The following SUPT7L variants were observed in gnomAD, a reference collection of about 807,000 sequenced individuals.
The protein encoded by SUPT7L is STAGA complex 65 subunit gamma.
A neutral mutation model predicts 35.7 loss-of-function variants in SUPT7L; 15 were observed. The observed-to-expected ratio is 0.42, with a 90% CI of 0.28 to 0.65. The LOEUF is 0.65. SUPT7L is among the 30% of genes least tolerant of loss of function. The probability of loss-of-function intolerance (pLI) is 0.23; values close to 1 mark genes in which losing one functional copy is unlikely to be tolerated. For synonymous variants in SUPT7L, 168 were observed against 186.2 expected (o/e 0.90, Z 0.79); for missense variants, 434 against 522.2 (o/e 0.83, Z 1.65).
At chr2:27,656,700 A>G (rs1257799099) in intron 4 of SUPT7L, among the ~76,000 whole-genome samples, 1 of 151,736 alleles carries the variant, frequency 6.6e-6, no homozygotes, top group South Asian at 2.1e-4. Context: ...TGGCACAATC[A>G]TGGCTCACAG....
chr2:27,650,038 C>T (rs7582852), downstream of SUPT7L: 2 of 819,152 alleles, frequency 2.4e-6, no homozygotes, highest in African/African-American at 1.7e-5. Flanking sequence ...GTACTGTTTT[C>T]TGATGGATGG....
chr2:27,661,285 G>A lies in SUPT7L; in HGVS notation c.118C>T (p.His40Tyr). 6.2e-7 allele frequency: 1 copy of A among 1,613,790 alleles called. No homozygotes were observed. The highest frequency in any genetic ancestry group is 8.5e-7 in the Non-Finnish European group (1 of 1,179,818). The change falls in exon 3 of 6, where the codon CAC becomes TAC. Residue 40 changes from histidine (H) to tyrosine (Y), a missense_variant. Transcript: ENST00000337768. ...RLVEVHDPPL[H>Y]QPSANKPKPP... ...TTCGGCTTGTTGGCTGAGGGTTGGT[G>A]CAGGGGTGGGTCATGGACTTCCACC...
downstream of SUPT7L, chr2:27,650,273 C>A: frequency 2.4e-6 from 2 of 817,368 alleles, no homozygotes; most frequent in South Asian, 1.5e-5. Context: ...ACTGTTCTTA[C>A]CTCTGAACTG....
Position 27,657,704 on chromosome 2 carries a change from C to G in SUPT7L, c.420-35G>C. On this transcript the variant is annotated intron_variant, in intron 3 of 5. Coordinates refer to ENST00000337768, the MANE Select transcript of SUPT7L (RefSeq NM_014860.3). The surrounding 1 kb of genome is among the most constrained non-coding windows in gnomAD (Gnocchi z 5.2). ...GAGATACGGTGGTGTTATTAATGTT[C>G]TTGCAAAGGGGTGACCCCTCCTGTC... is the stretch of plus-strand genomic sequence containing the variant. The G allele has an allele frequency of 1.9e-6, 3 of 1,575,458 alleles. No homozygotes were observed. Among genetic ancestry groups the G allele is most frequent in the Non-Finnish European group, 1.7e-6 (2 of 1,158,286 alleles).
intron 3 of SUPT7L, among the ~76,000 whole-genome samples, chr2:27,658,437 A>T (rs1674899224): frequency 6.6e-6 from 1 of 152,184 alleles, no homozygotes; most frequent in Non-Finnish European, 1.5e-5. Flanking sequence ...CAGAAATCTT[A>T]ATTTTCCAAG....
In SUPT7L at chr2:27,663,401, G is replaced by A; in HGVS notation, c.-162C>T. 1 of 233,214 alleles carries A rather than the reference G, an allele frequency of 4.3e-6. No individual in the cohort carries two copies. Among genetic ancestry groups the A allele is most frequent in the East Asian group, 9.9e-5 (1 of 10,080 alleles). 14.4% of individuals were successfully genotyped at this position (233,214 alleles called of 1,614,324 possible). A position where few individuals can be genotyped will look rare whatever the true frequency, so the allele number is the denominator to read the frequency against. ...CCCTCCAGGGGTTTCCTCGGTCACG[G>A]TCCGCCGGCGCAGGCGCCAATCACA... On this transcript the variant is annotated 5_prime_UTR_variant, in exon 1 of 6. Coordinates refer to ENST00000337768, the MANE Select transcript of SUPT7L (RefSeq NM_014860.3).
intron 2 of SUPT7L, 139 bp downstream of exon 2, chr2:27,662,040 T>C: frequency 8.8e-7 from 1 of 1,135,608 alleles, no homozygotes; most frequent in Non-Finnish European, 1.3e-6. Context: ...TCTCTCTTTG[T>C]ATGTCATCTA....
chr2:27,645,272 AT>A, the SUPT7L span, among the ~76,000 whole-genome samples: 20 of 148,444 alleles, frequency 1.3e-4, no homozygotes, highest in East Asian at 2.6e-3. Context: ...TCCCCAGCCC[AT>A]TTTTTTTTTC....
intron 5 of SUPT7L, among the ~76,000 whole-genome samples, chr2:27,654,805 AT>A (rs958675488): frequency 3.3e-5 from 5 of 152,050 alleles, no homozygotes; most frequent in Non-Finnish European, 7.4e-5. Flanking sequence ...TGACCTCGTG[AT>A]TCGCCCGCCT....
At chr2:27,650,316 T>C (rs1674466961), downstream of SUPT7L, 4 of 574,366 alleles carry the variant, frequency 7.0e-6, no homozygotes, top group South Asian at 8.5e-5. Flanking sequence ...TTCCTCAGAG[T>C]AGCAAAGTTT....
the SUPT7L span, among the ~76,000 whole-genome samples, chr2:27,645,524 T>A: frequency 2.2e-4 from 34 of 152,268 alleles, no homozygotes; most frequent in African/African-American, 6.3e-4. Flanking sequence ...AGAAGTGACA[T>A]CTCTATGATG....
chr2:27,661,417 G>A (rs1478964181), intron 2 of SUPT7L, 29 bp from the exon 3 acceptor site: 1 of 1,612,168 alleles, frequency 6.2e-7, no homozygotes, highest in South Asian at 1.1e-5. Flanking sequence ...GAAGAGAAGA[G>A]GTCTCAGGAT....
the SUPT7L span, among the ~76,000 whole-genome samples, chr2:27,644,887 C>G: frequency 6.6e-6 from 1 of 151,814 alleles, no homozygotes; most frequent in South Asian, 2.1e-4. Flanking sequence ...ATGTTCCAGA[C>G]CAGCCTCAGA....
intron 2 of SUPT7L, 186 bp from the exon 3 acceptor site, chr2:27,661,574 C>A: frequency 7.0e-7 from 1 of 1,426,078 alleles, no homozygotes; most frequent in Non-Finnish European, 9.1e-7. Context: ...TCAGTGTCAG[C>A]AAAACTGTAG....
the SUPT7L span, chr2:27,642,668 G>C: frequency 7.1e-6 from 4 of 567,316 alleles, no homozygotes; most frequent in African/African-American, 7.7e-5. Flanking sequence ...GGTTCAAGCA[G>C]TTCTCCTGCC....
At chr2:27,659,355 G>A (rs1674946963) in intron 3 of SUPT7L, among the ~76,000 whole-genome samples, 1 of 152,160 alleles carries the variant, frequency 6.6e-6, no homozygotes, top group East Asian at 1.9e-4. Flanking sequence ...ACAGGTAGAT[G>A]TAATAAATAA....
At chr2:27,663,020 T>C (rs1675197872) in intron 1 of SUPT7L, among the ~76,000 whole-genome samples, 1 of 134,114 alleles carries the variant, frequency 7.5e-6, no homozygotes, top group Admixed American at 9.1e-5. Context: ...ACTCCTGGGC[T>C]CAAGCAATCC....
At position 27,653,438 on chromosome 2, in the gene SUPT7L, T is replaced by C. The variant is rs1674647506; in HGVS notation, c.*47A>G. The C allele has an allele frequency of 1.3e-6, 2 of 1,567,520 alleles. No individual in the cohort carries two copies. Among genetic ancestry groups the C allele is most frequent in the Non-Finnish European group, 1.7e-6 (2 of 1,159,564 alleles). ...AACAGATTCTAATACAAAAACCTTT[T>C]CTGTTGGGTCTAGTAGGTCTGGACA... On this transcript the variant is annotated 3_prime_UTR_variant, in exon 6 of 6. Coordinates refer to ENST00000337768, the MANE Select transcript of SUPT7L (RefSeq NM_014860.3).
intron 5 of SUPT7L, 91 bp from the exon 6 acceptor site, chr2:27,653,838 A>C: frequency 1.4e-6 from 2 of 1,463,700 alleles, no homozygotes; most frequent in Non-Finnish European, 1.9e-6. Flanking sequence ...GAACCAACTA[A>C]TATGCTTTGA....
Sources: gnomAD v4.1 joint callset for allele counts (sites outside exome capture counted in the v4.1 genomes callset) on GRCh38, gnomAD v4.1.1 for gene constraint, Gnocchi (gnomAD v3.1) non-coding constraint, MANE v1.5 for transcripts, NCBI Gene and HGNC (gene_info 2026-07-23, HGNC 2026-07-21) for gene names.